The following LRBA variants were observed in gnomAD, a reference collection of about 807,000 sequenced individuals.
The protein encoded by LRBA is LPS responsive beige-like anchor protein.
A neutral mutation model predicts 330.0 loss-of-function variants in LRBA; 176 were observed. The ratio of observed to expected loss-of-function variants is 0.53; its 90% CI spans 0.47 to 0.60. The LOEUF (loss-of-function observed/expected upper bound fraction) is 0.60, where lower values mean the gene tolerates loss of function less well. LRBA is among the 20% of genes least tolerant of loss of function. LRBA has a pLI of 0.00. For missense variants in LRBA, 3,259 were observed against 3,444.8 expected, an observed-to-expected ratio of 0.95 and a Z score of 1.35; for synonymous variants, 1,230 against 1,193.0, an observed-to-expected ratio of 1.03 and a Z score of -0.64.
At chr4:150,302,837 A>T (rs1483166556) in intron 52 of LRBA, 45 bp from the exon 53 acceptor site, 3 of 1,447,846 alleles carry the variant, frequency 2.1e-6, no homozygotes, top group Non-Finnish European at 2.8e-6. Context: ...TTAAAAAAAT[A>T]AAAATTCTAG....
intron 28 of LRBA, chr4:150,840,582 T>C (rs551442600): frequency 6.5e-6 from 1 of 153,188 alleles, no homozygotes; most frequent in South Asian, 2.0e-4. Context: ...CTGTCTTAAA[T>C]GGGTGTGGTT....
chr4:150,866,933 G>A (rs1253052124), intron 22 of LRBA, among the ~76,000 whole-genome samples: 1 of 151,816 alleles, frequency 6.6e-6, no homozygotes, highest in East Asian at 1.9e-4. Flanking sequence ...GTATAGAAAA[G>A]ACAAAAGACA....
intron 36 of LRBA, among the ~76,000 whole-genome samples, chr4:150,734,338 TTGA>T (rs1730904156): frequency 6.6e-6 from 1 of 152,134 alleles, no homozygotes; most frequent in South Asian, 2.1e-4. Flanking sequence ...ATTCTTTATA[TTGA>T]TGAATTATGT....
At chr4:150,460,044 C>A (rs1193542642) in intron 44 of LRBA, among the ~76,000 whole-genome samples, 1 of 151,494 alleles carries the variant, frequency 6.6e-6, no homozygotes, top group Non-Finnish European at 1.5e-5. Context: ...CAATATTCCC[C>A]CCACCCCCAA....
intron 56 of LRBA, among the ~76,000 whole-genome samples, chr4:150,272,448 T>A (rs7661359): frequency 0.62 from 94,043 of 151,468 alleles, 29,847 homozygotes; most frequent in South Asian, 0.82. Flanking sequence ...GCCAGAAAAA[T>A]GGAACAAAGC....
intron 42 of LRBA, among the ~76,000 whole-genome samples, chr4:150,479,152 T>C (rs1235681140): frequency 6.6e-6 from 1 of 151,838 alleles, no homozygotes; most frequent in Admixed American, 6.6e-5. Context: ...TGGTATCATG[T>C]GCCTACAGTC....
chr4:150,306,755 T>G (rs1239941438), intron 52 of LRBA, among the ~76,000 whole-genome samples: 1 of 152,154 alleles, frequency 6.6e-6, no homozygotes, highest in Non-Finnish European at 1.5e-5. Flanking sequence ...TGTTACAAAT[T>G]ACAGCATTTT....
At chr4:150,812,946 C>T (rs1743977192) in intron 31 of LRBA, among the ~76,000 whole-genome samples, 1 of 151,862 alleles carries the variant, frequency 6.6e-6, no homozygotes, top group African/African-American at 2.4e-5. Context: ...TCACTTGAAG[C>T]CAGGACTTCA....
At chr4:150,788,870 T>C (rs1243342487) in intron 34 of LRBA, among the ~76,000 whole-genome samples, 1 of 151,618 alleles carries the variant, frequency 6.6e-6, no homozygotes, top group Non-Finnish European at 1.5e-5. Flanking sequence ...AGGTCAAGAG[T>C]TCGAGACCTG....
intron 37 of LRBA, among the ~76,000 whole-genome samples, chr4:150,676,427 G>T (rs903527419): frequency 1.9e-4 from 29 of 152,108 alleles, no homozygotes; most frequent in Admixed American, 1.7e-3. Context: ...GATTTCTACA[G>T]TGCCAAAATG....
intron 40 of LRBA, among the ~76,000 whole-genome samples, chr4:150,510,778 A>G (rs540112985): frequency 6.6e-6 from 1 of 152,278 alleles, no homozygotes; most frequent in East Asian, 1.9e-4. Context: ...AGACCCCTAT[A>G]TCCAATCACC....
At chr4:150,804,853 C>G (rs1742325994) in intron 33 of LRBA, among the ~76,000 whole-genome samples, 1 of 152,078 alleles carries the variant, frequency 6.6e-6, no homozygotes, top group Non-Finnish European at 1.5e-5. Context: ...TGGCTCACAC[C>G]TGTAATCCCA....
Position 150,691,684 on chromosome 4 carries a change from A to G in LRBA, c.5755-7967T>C, listed in dbSNP as rs76919012. ...ACATATACTTACAGTAGCATGTAGC[A>G]ATCCTACTCCTAGGTATTTCCTCAA... is the stretch of plus-strand genomic sequence containing the variant. On this transcript the variant is annotated intron_variant, in intron 36 of 56. Coordinates refer to ENST00000651943, the MANE Select transcript of LRBA (RefSeq NM_001364905.1). Among the ~76,000 whole-genome samples the G allele has an allele frequency of 7.5e-3, 1,149 of 152,340 alleles. 8 individuals carry two copies. Among genetic ancestry groups the G allele is most frequent in the South Asian group, 0.016 (79 of 4,828 alleles).
intron 53 of LRBA, among the ~76,000 whole-genome samples, chr4:150,299,044 A>G (rs1413199113): frequency 6.6e-6 from 1 of 152,082 alleles, no homozygotes; most frequent in Non-Finnish European, 1.5e-5. Context: ...CAAAGTTTAA[A>G]GTATTTATTT....
chr4:150,367,112 T>C (rs1224272826), intron 47 of LRBA, among the ~76,000 whole-genome samples: 1 of 152,216 alleles, frequency 6.6e-6, no homozygotes, highest in Non-Finnish European at 1.5e-5. Flanking sequence ...ATTTTATTTA[T>C]AGAATAACTA....
At chr4:150,552,295 C>T (rs1254582472) in intron 40 of LRBA, among the ~76,000 whole-genome samples, 1 of 152,174 alleles carries the variant, frequency 6.6e-6, no homozygotes, top group Non-Finnish European at 1.5e-5. Context: ...TTATACTTTT[C>T]ATACCAATAA....
chr4:150,675,601 C>G (rs368438501), intron 37 of LRBA, among the ~76,000 whole-genome samples: 32 of 152,084 alleles, frequency 2.1e-4, no homozygotes, highest in African/African-American at 7.7e-4. Context: ...GCCTGTAGTC[C>G]CAGCTACTCA....
intron 3 of LRBA, 57 bp from the exon 4 acceptor site, chr4:150,928,673 A>G: frequency 7.0e-7 from 1 of 1,426,326 alleles, no homozygotes; most frequent in Non-Finnish European, 9.8e-7. Flanking sequence ...TCGAATATTT[A>G]AAATAAACTG....
intron 26 of LRBA, among the ~76,000 whole-genome samples, chr4:150,847,258 A>T (rs890720757): frequency 7.2e-5 from 11 of 152,196 alleles, no homozygotes; most frequent in African/African-American, 2.7e-4. Flanking sequence ...ATGACAAATG[A>T]CAATAGTCAA....
Sources: allele counts gnomAD v4.1 joint callset (sites outside exome capture counted in the v4.1 genomes callset), GRCh38; gene constraint gnomAD v4.1.1; transcripts MANE v1.5; gene names NCBI Gene and HGNC (gene_info 2026-07-23, HGNC 2026-07-21).